TMEM87B: variants seen among roughly 807,000 people sequenced by gnomAD.
The protein encoded by TMEM87B is transmembrane protein 87B.
Under a neutral mutation model 80.3 loss-of-function variants are expected in TMEM87B, and 83 were observed. The ratio of observed to expected loss-of-function variants is 1.03; its 90% CI spans 0.87 to 1.24. The LOEUF is 1.24. Ranked by LOEUF, TMEM87B falls within the 50% of genes most tolerant of loss-of-function variation. The pLI is 0.00. For synonymous variants in TMEM87B, 219 were observed against 230.5 expected (o/e 0.95, Z 0.45); for missense variants, 625 against 674.4 (o/e 0.93, Z 0.81).
chr2:112,089,071 A>AT (rs1482692216), intron 9 of TMEM87B, among the ~76,000 whole-genome samples: 1 of 152,180 alleles, frequency 6.6e-6, no homozygotes, highest in African/African-American at 2.4e-5. Context: ...CAAAAATGTT[A>AT]TTTTAACTCT....
At chr2:112,112,062 A>C (rs1227372430) in intron 17 of TMEM87B, among the ~76,000 whole-genome samples, 1 of 152,014 alleles carries the variant, frequency 6.6e-6, no homozygotes, top group Non-Finnish European at 1.5e-5. Context: ...CTCCTTCCTC[A>C]CACCTAGTCA....
chr2:112,103,204 A>G (rs1341448735), intron 15 of TMEM87B, among the ~76,000 whole-genome samples: 1 of 152,234 alleles, frequency 6.6e-6, no homozygotes, highest in Non-Finnish European at 1.5e-5. Context: ...GTTATTTACC[A>G]TACCTTCAAA....
intron 9 of TMEM87B, among the ~76,000 whole-genome samples, chr2:112,087,768 A>G (rs1679189659): frequency 6.6e-6 from 1 of 152,068 alleles, no homozygotes; most frequent in South Asian, 2.1e-4. Flanking sequence ...CCTGTGCAGC[A>G]TAACTTCTCA....
chr2:112,070,128 T>C (rs532259195), intron 4 of TMEM87B, among the ~76,000 whole-genome samples: 97 of 152,314 alleles, frequency 6.4e-4, no homozygotes, highest in African/African-American at 2.0e-3. Flanking sequence ...AGGTTATCTT[T>C]TTATTCTGTT....
At chr2:112,093,672 G>C (rs1373487754) in intron 11 of TMEM87B, among the ~76,000 whole-genome samples, 3 of 151,942 alleles carry the variant, frequency 2.0e-5, no homozygotes, top group African/African-American at 7.3e-5. Context: ...ATCTTCCTCT[G>C]GTGTCATTTT....
chr2:112,072,067 T>C (rs1475030672), intron 4 of TMEM87B, among the ~76,000 whole-genome samples: 1 of 152,258 alleles, frequency 6.6e-6, no homozygotes, highest in African/African-American at 2.4e-5. Flanking sequence ...TAATTCTCTT[T>C]ATGTAATAAA....
intron 11 of TMEM87B, chr2:112,095,483 T>C (rs551423880): frequency 2.1e-6 from 2 of 972,770 alleles, no homozygotes; most frequent in South Asian, 9.5e-5. Context: ...AAAAACATTT[T>C]TTTAAAATTA....
chr2:112,097,355 A>G, intron 13 of TMEM87B, 64 bp downstream of exon 13: 3 of 1,316,112 alleles, frequency 2.3e-6, no homozygotes, highest in Non-Finnish European at 3.1e-6. Context: ...AATTTTGAAC[A>G]ATTTAGTTTA....
chr2:112,103,323 C>T (rs1573724706), intron 15 of TMEM87B, among the ~76,000 whole-genome samples: 1 of 152,052 alleles, frequency 6.6e-6, no homozygotes, highest in South Asian at 2.1e-4. Flanking sequence ...AGAGATAGAA[C>T]CTGTGTCTGA....
At chr2:112,085,984 T>C in intron 8 of TMEM87B, 21 bp from the exon 9 acceptor site, 4 of 1,605,802 alleles carry the variant, frequency 2.5e-6, no homozygotes, top group Non-Finnish European at 3.4e-6. Flanking sequence ...AAGTGAATTA[T>C]TTTATTTTTT....
At chr2:112,091,666 A>C in intron 10 of TMEM87B, 46 bp from the exon 11 acceptor site, 1 of 1,269,656 alleles carries the variant, frequency 7.9e-7, no homozygotes, top group Non-Finnish European at 1.1e-6. Flanking sequence ...CTATAGTGCA[A>C]TGAAAGTGTT....
intron 11 of TMEM87B, among the ~76,000 whole-genome samples, chr2:112,096,484 T>TC (rs1160220850): frequency 6.6e-6 from 1 of 152,200 alleles, no homozygotes; most frequent in Non-Finnish European, 1.5e-5. Flanking sequence ...GCAGTAATCC[T>TC]CCCCCGTTGC....
chr2:112,088,061 C>T (rs912468016), intron 9 of TMEM87B, among the ~76,000 whole-genome samples: 3 of 152,176 alleles, frequency 2.0e-5, no homozygotes, highest in Non-Finnish European at 4.4e-5. Context: ...CTCTGTGACT[C>T]GCACCCCTAG....
intron 6 of TMEM87B, among the ~76,000 whole-genome samples, chr2:112,077,737 G>T (rs761860152): frequency 3.9e-5 from 6 of 152,298 alleles, no homozygotes; most frequent in Admixed American, 1.3e-4. Flanking sequence ...ATATCTGCCA[G>T]CATGTGCTTC....
chr2:112,055,729 C>G lies in TMEM87B; in HGVS notation c.138C>G (p.Leu46=). Residue 46 remains leucine (L), a synonymous_variant, in exon 1 of 19, where the codon CTC becomes CTG. Coordinates refer to ENST00000283206, the MANE Select transcript of TMEM87B (RefSeq NM_032824.3). ...CGGCTGTGCGCGCGGTCCCTGAGCT[C>G]GGGCTCTGGTTAGAGACAGTCAACG... The part of the protein sequence containing the change: ...TPAAVRAVPE[L]GLWLETVNDK... The G allele has an allele frequency of 6.6e-7, 1 of 1,524,966 alleles. No individual in the cohort carries two copies. 94.5% of individuals were successfully genotyped at this position (1,524,966 alleles called of 1,614,324 possible).
rs549695305 is a variant in TMEM87B at position 112,119,037 on chromosome 2, T to C, written c.*2894T>C. 7.2e-5 allele frequency: 11 copies of C among 152,316 alleles called. No individual in the cohort carries two copies. The highest frequency in any genetic ancestry group is 2.6e-4 in the African/African-American group (11 of 41,572). The allele number at this position is 152,316 out of a possible 1,614,324, so 9.4% of individuals were successfully genotyped here. On this transcript the variant is annotated 3_prime_UTR_variant, in exon 19 of 19. Transcript: ENST00000283206. ...GTTAAACATATTGAATGTATATAAG[T>C]GGCAAAACTAGATTTTTAAGGAAGT... is the stretch of plus-strand genomic sequence containing the variant.
At position 112,108,393 on chromosome 2, in the gene TMEM87B, T is replaced by C. The variant is rs185670239; in HGVS notation, c.1577+553T>C. On this transcript the variant is annotated intron_variant, in intron 17 of 18. Transcript: ENST00000283206. ...CCCATCTGGTTTCTGTTTAGATAGC[T>C]TCTGTGTACTATGATATTCCTTTTG... Among the ~76,000 whole-genome samples, 285 of 152,360 alleles carry C rather than the reference T, an allele frequency of 1.9e-3. 9 individuals carry two copies. Among genetic ancestry groups the C allele is most frequent in the Admixed American group, 5.0e-3 (77 of 15,300 alleles).
At chr2:112,074,838 T>C in intron 4 of TMEM87B, 74 bp from the exon 5 acceptor site, 2 of 1,417,668 alleles carry the variant, frequency 1.4e-6, no homozygotes, top group South Asian at 2.7e-5. Flanking sequence ...TAACTTTTTT[T>C]CTTAATTATT....
chr2:112,102,491 C>T (rs913743223), intron 15 of TMEM87B, among the ~76,000 whole-genome samples: 6 of 152,126 alleles, frequency 3.9e-5, no homozygotes, highest in African/African-American at 7.2e-5. Context: ...GTCAGGAGTT[C>T]GAGACCAGCC....
Sources: gnomAD v4.1 joint callset for allele counts (sites outside exome capture counted in the v4.1 genomes callset) on GRCh38, gnomAD v4.1.1 for gene constraint, MANE v1.5 for transcripts, NCBI Gene and HGNC (gene_info 2026-07-23, HGNC 2026-07-21) for gene names.